GLRA1: variants seen among roughly 807,000 people sequenced by gnomAD.
GLRA1 encodes the protein glycine receptor alpha 1, also known as glycine receptor subunit alpha-1.
Under a neutral mutation model 48.3 loss-of-function variants are expected in GLRA1, and 37 were observed. The ratio of observed to expected loss-of-function variants is 0.77; its 90% confidence interval spans 0.59 to 1.01. The LOEUF (loss-of-function observed/expected upper bound fraction) is 1.01. GLRA1 is among the 50% of genes least tolerant of loss of function. The probability of loss-of-function intolerance (pLI) is 0.00; values close to 1 mark genes in which losing one functional copy is unlikely to be tolerated. For synonymous variants in GLRA1, 196 were observed against 210.7 expected, an observed-to-expected ratio of 0.93 and a Z score of 0.60; for missense variants, 427 against 571.0, an observed-to-expected ratio of 0.75 and a Z score of 2.57.
At chr5:151,911,600 G>GTTTTTTT (rs768033241) in intron 1 of GLRA1, among the ~76,000 whole-genome samples, 24 of 92,354 alleles carry the variant, frequency 2.6e-4, no homozygotes, top group Non-Finnish European at 3.1e-4. Flanking sequence ...CCAAGCTAGA[G>GTTTTTTT]TTTTTTTTTT....
chr5:151,919,643 T>C (rs910712335), intron 1 of GLRA1, among the ~76,000 whole-genome samples: 4 of 152,216 alleles, frequency 2.6e-5, no homozygotes, highest in African/African-American at 7.2e-5. Context: ...GGAGAAGATA[T>C]CCTAAACTGG....
At chr5:151,912,612 C>G (rs575420306) in intron 1 of GLRA1, among the ~76,000 whole-genome samples, 1 of 152,276 alleles carries the variant, frequency 6.6e-6, no homozygotes, top group South Asian at 2.1e-4. Context: ...TGGTGAGATA[C>G]AGCAGTGCTT....
At chr5:151,861,297 G>T (rs543941188) in intron 3 of GLRA1, among the ~76,000 whole-genome samples, 4 of 152,106 alleles carry the variant, frequency 2.6e-5, no homozygotes, top group African/African-American at 9.7e-5. Context: ...TTGAGGAATC[G>T]CCACACTGTC....
intron 7 of GLRA1, among the ~76,000 whole-genome samples, chr5:151,838,953 A>G (rs1460631702): frequency 2.0e-5 from 3 of 152,324 alleles, no homozygotes; most frequent in East Asian, 3.9e-4. Flanking sequence ...TGCTACTGCA[A>G]CCTCCACCTC....
At chr5:151,849,221 C>T (rs201915530) in intron 7 of GLRA1, among the ~76,000 whole-genome samples, 7 of 59,908 alleles carry the variant, frequency 1.2e-4, no homozygotes, top group African/African-American at 2.0e-4. Flanking sequence ...TTCCTTTCTT[C>T]CTTCCTTCCT....
At chr5:151,924,430 G>A in intron 1 of GLRA1, 64 bp downstream of exon 1, 1 of 983,272 alleles carries the variant, frequency 1.0e-6, no homozygotes, top group African/African-American at 1.6e-5. Context: ...ACGGACAGAG[G>A]TAGCCTCCGT....
chr5:151,901,395 T>G (rs1754364413), intron 1 of GLRA1, among the ~76,000 whole-genome samples: 1 of 152,156 alleles, frequency 6.6e-6, no homozygotes, highest in South Asian at 2.1e-4. Flanking sequence ...AGTTACAGTG[T>G]GAAGAATCCA....
At chr5:151,875,385 G>A (rs1753598116) in intron 3 of GLRA1, among the ~76,000 whole-genome samples, 1 of 152,092 alleles carries the variant, frequency 6.6e-6, no homozygotes, top group Non-Finnish European at 1.5e-5. Flanking sequence ...TGTTGCCTAG[G>A]CTGGTCTTGA....
intron 7 of GLRA1, among the ~76,000 whole-genome samples, chr5:151,850,979 C>T (rs1390547827): frequency 6.6e-6 from 1 of 152,166 alleles, no homozygotes; most frequent in Non-Finnish European, 1.5e-5. Flanking sequence ...TCCTATGAAT[C>T]TTTCTATCAA....
intron 4 of GLRA1, 58 bp downstream of exon 4, chr5:151,859,727 A>G (rs1057116813): frequency 8.0e-7 from 1 of 1,256,758 alleles, no homozygotes; most frequent in Non-Finnish European, 1.2e-6. Flanking sequence ...TATGCCCAGA[A>G]GGTAGTGGGG....
At chr5:151,901,920 C>T (rs752694227) in intron 1 of GLRA1, among the ~76,000 whole-genome samples, 1 of 151,940 alleles carries the variant, frequency 6.6e-6, no homozygotes, top group Non-Finnish European at 1.5e-5. Context: ...AAGTGGTAGC[C>T]CCATGAGACA....
chr5:151,903,063 AT>A (rs1411824380), intron 1 of GLRA1, among the ~76,000 whole-genome samples: 1 of 152,182 alleles, frequency 6.6e-6, no homozygotes, highest in Non-Finnish European at 1.5e-5. Context: ...TACTAGTGCA[AT>A]CTCAGAGTGG....
chr5:151,844,641 A>AAAAAG (rs1752617610), intron 7 of GLRA1, among the ~76,000 whole-genome samples: 1 of 134,078 alleles, frequency 7.5e-6, no homozygotes, highest in Non-Finnish European at 1.6e-5. Flanking sequence ...AAAAAAAAAA[A>AAAAAG]GAAAAAGAAA....
intron 8 of GLRA1, among the ~76,000 whole-genome samples, chr5:151,824,351 A>C (rs1420520870): frequency 1.3e-5 from 2 of 151,852 alleles, no homozygotes; most frequent in African/African-American, 4.8e-5. Flanking sequence ...CTGAGTCGTT[A>C]TAACACAGAT....
At chr5:151,924,388 A>G (rs1379399266) in intron 1 of GLRA1, 106 bp downstream of exon 1, 7 of 807,128 alleles carry the variant, frequency 8.7e-6, no homozygotes, top group African/African-American at 1.7e-5. Flanking sequence ...GCAGTGGAAT[A>G]CAGCACCCCT....
At chr5:151,829,649 T>G (rs558113898) in intron 7 of GLRA1, among the ~76,000 whole-genome samples, 59 of 152,348 alleles carry the variant, frequency 3.9e-4, no homozygotes, top group Middle Eastern at 6.8e-3. Flanking sequence ...ACATTTAAAG[T>G]GTATAGTTTA....
intron 7 of GLRA1, among the ~76,000 whole-genome samples, chr5:151,832,534 G>A (rs932956743): frequency 2.6e-5 from 4 of 152,010 alleles, no homozygotes; most frequent in Admixed American, 6.6e-5. Context: ...TCGATCAAGC[G>A]GAATAAAGGA....
At chr5:151,896,031 C>G (rs1441050604) in intron 1 of GLRA1, among the ~76,000 whole-genome samples, 5 of 152,268 alleles carry the variant, frequency 3.3e-5, no homozygotes, top group African/African-American at 7.2e-5. Flanking sequence ...ATCTCTTCGC[C>G]CTTAGGCCTC....
chr5:151,828,330 C>T (rs1763332623), intron 8 of GLRA1, among the ~76,000 whole-genome samples: 1 of 152,204 alleles, frequency 6.6e-6, no homozygotes, highest in Non-Finnish European at 1.5e-5. Flanking sequence ...GCATGCTCCC[C>T]ATTGGCATTC....
Sources: gnomAD v4.1 joint callset for allele counts (sites outside exome capture counted in the v4.1 genomes callset) on GRCh38, gnomAD v4.1.1 for gene constraint, MANE v1.5 for transcripts, NCBI Gene and HGNC (gene_info 2026-07-23, HGNC 2026-07-21) for gene names.